Variants in SYT14 observed in about 807,000 individuals in gnomAD.
SYT14 encodes synaptotagmin-14.
A neutral mutation model predicts 74.2 loss-of-function variants in SYT14; 32 were observed. The ratio of observed to expected loss-of-function variants is 0.43; its 90% CI spans 0.33 to 0.58. The LOEUF is 0.58. SYT14 is among the 20% of genes least tolerant of loss of function. SYT14 has a pLI of 0.05. For missense variants in SYT14, 791 were observed against 981.8 expected, an observed-to-expected ratio of 0.81 and a Z score of 2.60; for synonymous variants, 298 against 337.7, an observed-to-expected ratio of 0.88 and a Z score of 1.29.
chr1:209,992,048 A>C (rs2079698568), intron 2 of SYT14, among the ~76,000 whole-genome samples: 1 of 152,176 alleles, frequency 6.6e-6, no homozygotes, highest in Admixed American at 6.5e-5. Context: ...AGATACCTGC[A>C]CCTGTATGTT....
intron 5 of SYT14, among the ~76,000 whole-genome samples, chr1:210,022,304 T>C (rs992593579): frequency 3.3e-5 from 5 of 152,210 alleles, no homozygotes; most frequent in Admixed American, 6.5e-5. Flanking sequence ...TACACAGATA[T>C]AATAATAAAT....
chr1:210,163,097 A>G (rs1558234297), exon 10 of SYT14: 2 of 453,430 alleles, frequency 4.4e-6, no homozygotes, highest in Non-Finnish European at 8.8e-6. Context: ...TTAGACTTTG[A>G]AACAACTGAC....
chr1:210,104,145 G>C (rs1334331366), intron 7 of SYT14, among the ~76,000 whole-genome samples: 1 of 152,198 alleles, frequency 6.6e-6, no homozygotes, highest in Non-Finnish European at 1.5e-5. Context: ...TAGTAATTCT[G>C]TTATAAAATA....
exon 7 of SYT14, chr1:210,100,328 G>T (rs746106239): frequency 6.2e-7 from 1 of 1,613,970 alleles, no homozygotes; most frequent in Non-Finnish European, 8.5e-7. Flanking sequence ...TATGCAGTTC[G>T]GTTTAGACTG....
intron 7 of SYT14, among the ~76,000 whole-genome samples, chr1:210,101,847 CTG>C (rs899034974): frequency 6.6e-6 from 1 of 152,052 alleles, no homozygotes; most frequent in Non-Finnish European, 1.5e-5. Flanking sequence ...GAGAAAGACT[CTG>C]TCATCAAGAG....
chr1:210,014,931 A>G (rs1331870408), intron 3 of SYT14, among the ~76,000 whole-genome samples: 2 of 152,048 alleles, frequency 1.3e-5, no homozygotes, highest in East Asian at 1.9e-4. Context: ...TATGTGGATT[A>G]TATCTATTGA....
At chr1:210,145,999 A>G (rs1253548246) in intron 7 of SYT14, among the ~76,000 whole-genome samples, 2 of 152,120 alleles carry the variant, frequency 1.3e-5, no homozygotes, top group African/African-American at 4.8e-5. Context: ...CTGAGTCTCT[A>G]AATAACAACT....
intron 2 of SYT14, among the ~76,000 whole-genome samples, chr1:210,003,398 T>C (rs2079935949): frequency 6.6e-6 from 1 of 152,226 alleles, no homozygotes. Context: ...TTTCAGCTTT[T>C]CAGGTACTCT....
intron 2 of SYT14, among the ~76,000 whole-genome samples, chr1:210,001,586 C>T (rs1012822926): frequency 6.6e-6 from 1 of 151,964 alleles, no homozygotes; most frequent in Admixed American, 6.6e-5. Flanking sequence ...TATGGGAAGA[C>T]AGATAACAAA....
chr1:210,112,743 G>A (rs939299934), intron 7 of SYT14, among the ~76,000 whole-genome samples: 6 of 151,272 alleles, frequency 4.0e-5, no homozygotes, highest in African/African-American at 1.5e-4. Context: ...TTATTAAAGA[G>A]GCATTAATGA....
chr1:210,054,296 G>T (rs2081056204), intron 5 of SYT14, among the ~76,000 whole-genome samples: 1 of 152,048 alleles, frequency 6.6e-6, no homozygotes, highest in Non-Finnish European at 1.5e-5. Flanking sequence ...TTTCTGGCAA[G>T]ATTATTCATT....
chr1:209,970,040 C>G (rs1414142781), intron 2 of SYT14, among the ~76,000 whole-genome samples: 3 of 152,118 alleles, frequency 2.0e-5, no homozygotes, highest in Non-Finnish European at 4.4e-5. Context: ...TTGATTACTT[C>G]TTTTACTGTG....
chr1:210,085,575 A>G (rs988409303), intron 5 of SYT14, among the ~76,000 whole-genome samples: 2 of 152,234 alleles, frequency 1.3e-5, no homozygotes, highest in African/African-American at 4.8e-5. Flanking sequence ...AGATTTTATC[A>G]TGAATGGATA....
intron 2 of SYT14, among the ~76,000 whole-genome samples, chr1:209,970,378 T>TA (rs2079230082): frequency 1.3e-5 from 2 of 152,112 alleles, no homozygotes; most frequent in Non-Finnish European, 2.9e-5. Context: ...TATAGGTACG[T>TA]ACCTTTATTT....
intron 2 of SYT14, among the ~76,000 whole-genome samples, chr1:209,959,725 A>G (rs1374851698): frequency 6.6e-6 from 1 of 152,216 alleles, no homozygotes; most frequent in Admixed American, 6.5e-5. Flanking sequence ...AGAATAGACA[A>G]ATCTATAGAG....
chr1:209,965,859 C>T (rs1026737430), intron 2 of SYT14: 5 of 445,522 alleles, frequency 1.1e-5, no homozygotes, highest in African/African-American at 6.1e-5. Flanking sequence ...ATATATTTAT[C>T]GGTTTATTTT....
Position 209,990,539 on chromosome 1 carries a change from G to GTA in SYT14, c.-485-23086_-485-23085dup, listed in dbSNP as rs1394160342. On this transcript the variant is annotated intron_variant, in intron 2 of 9. Coordinates refer to ENST00000637265, the Ensembl canonical transcript of SYT14. ...GAATATTTCACATATATATATATAC[G>GTA]TATATATATGTATATATATACGTAT... 4.0e-4 allele frequency among the ~76,000 whole-genome samples: 10 copies of GTA among 24,726 alleles called. 1 individual carries two copies. The highest frequency in any genetic ancestry group is 2.1e-3 in the African/African-American group (8 of 3,784). The allele number at this position is 24,726 out of a possible 152,430, so 16.2% of individuals were successfully genotyped here. A position where few individuals can be genotyped will look rare whatever the true frequency, so the allele number is the denominator to read the frequency against.
chr1:209,939,023 A>G lies in SYT14; in HGVS notation c.-534+746A>G, dbSNP rs549147604. Among the ~76,000 whole-genome samples, 10 of 152,304 alleles carry G rather than the reference A, an allele frequency of 6.6e-5. No individual in the cohort carries two copies. The South Asian group carries it at 2.1e-3, about 32-fold the overall frequency. ...TGCCACAATGCTCATATTTCGAAAA[A>G]CAGCTTAATAAAAATTAAGTTCCTA... On this transcript the variant is annotated intron_variant, in intron 1 of 9. Coordinates refer to ENST00000637265, the Ensembl canonical transcript of SYT14.
At chr1:210,146,286 T>C (rs941408592) in intron 7 of SYT14, among the ~76,000 whole-genome samples, 3 of 152,030 alleles carry the variant, frequency 2.0e-5, no homozygotes, top group Non-Finnish European at 4.4e-5. Context: ...TGCAGTGAGA[T>C]CACGCCACTG....
Sources: gnomAD v4.1 joint callset for allele counts (sites outside exome capture counted in the v4.1 genomes callset) on GRCh38, gnomAD v4.1.1 for gene constraint, MANE v1.5 for transcripts, NCBI Gene and HGNC (gene_info 2026-07-23, HGNC 2026-07-21) for gene names.